The following PCCA variants were observed in gnomAD, a reference collection of about 807,000 sequenced individuals.
The protein encoded by PCCA is propionyl-CoA carboxylase alpha chain, mitochondrial.
PCCA carries 74 observed loss-of-function variants against 101.3 expected under a neutral mutation model. The ratio of observed to expected loss-of-function variants is 0.73; its 90% confidence interval spans 0.61 to 0.89. PCCA has a LOEUF of 0.89. PCCA is among the 40% of genes least tolerant of loss of function. The probability of loss-of-function intolerance (pLI) is 0.00; values close to 1 mark genes in which losing one functional copy is unlikely to be tolerated. For synonymous variants in PCCA, 294 were observed against 313.6 expected (o/e 0.94, Z 0.66); for missense variants, 891 against 907.0 (o/e 0.98, Z 0.23).
chr13:100,273,407 C>T (rs1209052109), intron 12 of PCCA, 61 bp downstream of exon 12: 3 of 1,359,434 alleles, frequency 2.2e-6, no homozygotes, highest in East Asian at 4.6e-5. Flanking sequence ...CCTTCTCCAC[C>T]CTTTTTTGTT....
intron 1 of PCCA, among the ~76,000 whole-genome samples, chr13:100,092,042 T>A (rs1309055634): frequency 6.6e-6 from 1 of 152,008 alleles, no homozygotes; most frequent in African/African-American, 2.4e-5. Context: ...TGCCTCAGCC[T>A]CCCAAGTGGC....
intron 7 of PCCA, among the ~76,000 whole-genome samples, chr13:100,210,868 G>A (rs1255848038): frequency 6.6e-6 from 1 of 152,140 alleles, no homozygotes; most frequent in Non-Finnish European, 1.5e-5. Flanking sequence ...TCAGCTTCTT[G>A]CCCATATTTA....
chr13:100,264,220 T>C (rs1477024032), intron 10 of PCCA, among the ~76,000 whole-genome samples: 2 of 115,690 alleles, frequency 1.7e-5, no homozygotes, highest in African/African-American at 6.0e-5. Context: ...CTGTATCTCA[T>C]ATATATGTGA....
At chr13:100,146,356 C>A (rs1465412095) in intron 4 of PCCA, among the ~76,000 whole-genome samples, 1 of 151,854 alleles carries the variant, frequency 6.6e-6, no homozygotes, top group East Asian at 2.0e-4. Flanking sequence ...GCAGACGGAT[C>A]ACGGGGTCAG....
chr13:100,147,542 A>G (rs542884700), intron 4 of PCCA, among the ~76,000 whole-genome samples: 2 of 152,266 alleles, frequency 1.3e-5, no homozygotes, highest in Admixed American at 6.5e-5. Flanking sequence ...TTATTTCCCA[A>G]CCCTATTCCT....
intron 10 of PCCA, among the ~76,000 whole-genome samples, chr13:100,265,090 C>T (rs2062837469): frequency 6.6e-6 from 1 of 152,064 alleles, no homozygotes; most frequent in Admixed American, 6.6e-5. Flanking sequence ...GTTTATGAGT[C>T]CTTTGTCAGA....
intron 20 of PCCA, among the ~76,000 whole-genome samples, chr13:100,442,298 C>G (rs531348905): frequency 6.6e-6 from 1 of 152,018 alleles, no homozygotes; most frequent in South Asian, 2.1e-4. Flanking sequence ...CTGGCCTGTC[C>G]TTCCTTCCTT....
At chr13:100,363,520 A>T (rs1263524708) in intron 18 of PCCA, among the ~76,000 whole-genome samples, 1 of 152,180 alleles carries the variant, frequency 6.6e-6, no homozygotes, top group Non-Finnish European at 1.5e-5. Flanking sequence ...CTTGGTTCAG[A>T]TGAATGGCCC....
chr13:100,166,848 C>A (rs2055095324), intron 6 of PCCA, among the ~76,000 whole-genome samples: 1 of 152,226 alleles, frequency 6.6e-6, no homozygotes, highest in East Asian at 1.9e-4. Flanking sequence ...CTCGTTGGTA[C>A]AATTTTACAT....
At chr13:100,375,319 G>A (rs2075832655) in intron 19 of PCCA, among the ~76,000 whole-genome samples, 1 of 152,164 alleles carries the variant, frequency 6.6e-6, no homozygotes, top group Admixed American at 6.5e-5. Context: ...AGTTCCATGT[G>A]GTGCTGAGAA....
chr13:100,304,233 TAG>T (rs1340754557), intron 14 of PCCA, among the ~76,000 whole-genome samples: 1 of 152,214 alleles, frequency 6.6e-6, no homozygotes, highest in Non-Finnish European at 1.5e-5. Flanking sequence ...GAGCCATCCA[TAG>T]AAAGAAAAAA....
intron 21 of PCCA, among the ~76,000 whole-genome samples, chr13:100,515,198 ATTAATT>A (rs1205278183): frequency 1.3e-5 from 2 of 152,254 alleles, no homozygotes; most frequent in Non-Finnish European, 2.9e-5. Context: ...CTTATCAATG[ATTAATT>A]TTAATAACTG....
chr13:100,106,645 C>T (rs2047826924), intron 2 of PCCA, among the ~76,000 whole-genome samples: 1 of 152,076 alleles, frequency 6.6e-6, no homozygotes, highest in African/African-American at 2.4e-5. Flanking sequence ...GAACTCCTGA[C>T]CTCAGGTGAT....
At chr13:100,386,489 C>G (rs1013686288) in intron 19 of PCCA, among the ~76,000 whole-genome samples, 2 of 152,182 alleles carry the variant, frequency 1.3e-5, no homozygotes, top group African/African-American at 4.8e-5. Flanking sequence ...TCACACCATT[C>G]TCCTGCCTCA....
At chr13:100,232,742 C>G (rs909278412) in intron 7 of PCCA, among the ~76,000 whole-genome samples, 2 of 152,076 alleles carry the variant, frequency 1.3e-5, no homozygotes, top group Non-Finnish European at 2.9e-5. Flanking sequence ...TTCTGAGCAG[C>G]CTGTCTGAAA....
intron 21 of PCCA, among the ~76,000 whole-genome samples, chr13:100,478,825 A>G (rs1417776373): frequency 2.0e-5 from 3 of 152,178 alleles, no homozygotes; most frequent in African/African-American, 7.2e-5. Flanking sequence ...TTTTTCTACT[A>G]TAAAAAGGAA....
intron 4 of PCCA, among the ~76,000 whole-genome samples, chr13:100,143,817 C>T (rs2052207983): frequency 6.6e-6 from 1 of 152,020 alleles, no homozygotes; most frequent in African/African-American, 2.4e-5. Flanking sequence ...TGTAGTGGCA[C>T]GACCATAGCT....
chr13:100,422,969 C>T (rs1206499922), intron 19 of PCCA, among the ~76,000 whole-genome samples: 1 of 145,556 alleles, frequency 6.9e-6, no homozygotes, highest in Non-Finnish European at 1.5e-5. Flanking sequence ...TTGAGTAGTT[C>T]TTGTGTTATA....
At chr13:100,332,758 CT>C (rs532538031) in intron 17 of PCCA, among the ~76,000 whole-genome samples, 77 of 152,218 alleles carry the variant, frequency 5.1e-4, no homozygotes, top group African/African-American at 1.8e-3. Flanking sequence ...TATTACATTT[CT>C]TTTTTTGTAA....
Sources: allele counts gnomAD v4.1 joint callset (sites outside exome capture counted in the v4.1 genomes callset), GRCh38; gene constraint gnomAD v4.1.1; transcripts MANE v1.5; gene names NCBI Gene and HGNC (gene_info 2026-07-23, HGNC 2026-07-21).